ZNF143: variants seen among roughly 807,000 people sequenced by gnomAD.
ZNF143 encodes the protein SPH-binding factor.
Under a neutral mutation model 74.1 loss-of-function variants are expected in ZNF143, and 49 were observed. That is an observed-to-expected ratio of 0.66 (90% confidence interval 0.53 to 0.84). The LOEUF (loss-of-function observed/expected upper bound fraction) is 0.84, where lower values mean the gene tolerates loss of function less well. ZNF143 is among the 40% of genes least tolerant of loss of function. The pLI is 0.00. For synonymous variants in ZNF143, 304 were observed against 282.8 expected (o/e 1.07, Z -0.75); for missense variants, 637 against 793.4 (o/e 0.80, Z 2.37).
rs1372970432 is a variant in ZNF143, at chr11:9,486,427, T to TA, written c.645+6882dup. Among the ~76,000 whole-genome samples, 67 of 48,448 alleles carry TA rather than the reference T, an allele frequency of 1.4e-3. 1 individual carries two copies. The highest frequency in any genetic ancestry group is 2.1e-3 in the Non-Finnish European group (51 of 24,612). The allele number at this position is 48,448 out of a possible 152,430, so 31.8% of individuals were successfully genotyped here. A position where few individuals can be genotyped will look rare whatever the true frequency, so the allele number is the denominator to read the frequency against. ...TTATATATATAATATATATTATATA[T>TA]ATTATATATATAATATATTATATAT... is the stretch of plus-strand genomic sequence containing the variant. On this transcript the variant is annotated intron_variant, in intron 7 of 15. Coordinates refer to ENST00000396602, the MANE Select transcript of ZNF143 (RefSeq NM_003442.6).
chr11:9,490,137 T>C lies in ZNF143; in HGVS notation c.646-4509T>C, dbSNP rs1393447436. Among the ~76,000 whole-genome samples the C allele has an allele frequency of 3.9e-5, 6 of 152,194 alleles. No individual in the cohort carries two copies. In the East Asian group the frequency reaches 9.7e-4, roughly 25 times the overall value. ...AGTTGGAGGGTGCAGTGAGCTGTGA[T>C]TGTGCGACTGTACTATAGCCTGAGT... is the stretch of plus-strand genomic sequence containing the variant. On this transcript the variant is annotated intron_variant, in intron 7 of 15. Transcript: ENST00000396602.
intron 1 of ZNF143, among the ~76,000 whole-genome samples, chr11:9,466,421 T>C (rs771107174): frequency 6.7e-6 from 1 of 149,742 alleles, no homozygotes; most frequent in East Asian, 2.0e-4. Context: ...TCAGCCTCCC[T>C]AGTAGCTGGG....
intron 13 of ZNF143, among the ~76,000 whole-genome samples, chr11:9,513,203 T>G (rs146354789): frequency 6.6e-6 from 1 of 152,220 alleles, no homozygotes; most frequent in Admixed American, 6.5e-5. Flanking sequence ...GGTGGAAATA[T>G]GCACAATGTG....
chr11:9,525,249 G>A lies in ZNF143; in HGVS notation c.1696G>A (p.Val566Ile). Reference sequence around the variant, plus strand: ...TTTTGTTTTGCTTAAGGTTGCAATTGTAGCTCAAGACTTGGCAGCATTCCA... The same window carrying A: ...TTTTGTTTTGCTTAAGGTTGCAATTATAGCTCAAGACTTGGCAGCATTCCA... ...EGTEGEQVAI[V>I]AQDLAAFHTA... Residue 566 changes from valine to isoleucine, a missense_variant, in exon 15 of 16, where the codon GTA (valine) becomes ATA (isoleucine). Physicochemically the swap from Val to Ile is conservative, Grantham distance 29 (BLOSUM62 3). Coordinates refer to ENST00000396602, the MANE Select transcript of ZNF143 (RefSeq NM_003442.6). 1 of 1,614,098 alleles carries A rather than the reference G, an allele frequency of 6.2e-7. No individual in the cohort carries two copies. Among genetic ancestry groups the A allele is most frequent in the Non-Finnish European group, 8.5e-7 (1 of 1,180,008 alleles).
At chr11:9,468,562 CT>C (rs1364202030) in intron 1 of ZNF143, among the ~76,000 whole-genome samples, 3 of 152,256 alleles carry the variant, frequency 2.0e-5, no homozygotes, top group African/African-American at 7.2e-5. Flanking sequence ...TTTGCCCATA[CT>C]TTAACCCTTA....
At chr11:9,476,521 C>T (rs1263932285) in intron 5 of ZNF143, among the ~76,000 whole-genome samples, 5 of 151,160 alleles carry the variant, frequency 3.3e-5, no homozygotes, top group African/African-American at 9.7e-5. Context: ...TACAGGTGCC[C>T]GCCACTACAC....
At chr11:9,472,643 C>T in intron 2 of ZNF143, 34 bp from the exon 3 acceptor site, 2 of 1,561,598 alleles carry the variant, frequency 1.3e-6, no homozygotes, top group South Asian at 2.3e-5. Context: ...CATATGCTAG[C>T]TGTCTAAAGA....
chr11:9,509,390 A>G (rs774468763), intron 12 of ZNF143, among the ~76,000 whole-genome samples: 1 of 152,236 alleles, frequency 6.6e-6, no homozygotes, highest in Non-Finnish European at 1.5e-5. Context: ...TTCAGGTGCT[A>G]TTAAGTATGT....
intron 3 of ZNF143, among the ~76,000 whole-genome samples, chr11:9,473,146 T>C (rs1856684245): frequency 6.6e-6 from 1 of 152,004 alleles, no homozygotes; most frequent in African/African-American, 2.4e-5. Flanking sequence ...ATCCCAACGC[T>C]TTGGAAGGCC....
intron 1 of ZNF143, among the ~76,000 whole-genome samples, chr11:9,466,288 TTTTTC>T (rs1223273143): frequency 4.2e-5 from 6 of 143,794 alleles, no homozygotes; most frequent in East Asian, 4.1e-4. Flanking sequence ...CAGCCTAATT[TTTTTC>T]TTTTCTTTTC....
At position 9,479,727 on chromosome 11, in the gene ZNF143, G is replaced by T. The variant is rs11042382; in HGVS notation, c.645+181G>T. ...CCTGAGGTCCCAGTGTTCATTGGTG[G>T]ATGCAAAATGATGCTAAAGAAATGG... On this transcript the variant is annotated intron_variant, in intron 7 of 15. Transcript: ENST00000396602. 0.13 allele frequency among the ~76,000 whole-genome samples: 19,310 copies of T among 152,114 alleles called. 1,390 individuals are homozygous for T. Among genetic ancestry groups the T allele is most frequent in the African/African-American group, 0.15 (6,163 of 41,496 alleles).
At chr11:9,465,491 T>A (rs1444710685) in intron 1 of ZNF143, among the ~76,000 whole-genome samples, 1 of 150,540 alleles carries the variant, frequency 6.6e-6, no homozygotes, top group Non-Finnish European at 1.5e-5. Flanking sequence ...GCTGGTACTT[T>A]TATTTATTTA....
rs1401688365 is a variant in ZNF143 at position 9,471,400 on chromosome 11, CAG to C, written c.95_96del (p.Glu32GlyfsTer8). The C allele has an allele frequency of 1.2e-6, 2 of 1,606,516 alleles. No individual in the cohort carries two copies. The highest frequency in any genetic ancestry group is 1.7e-5 in the Admixed American group (1 of 58,790). The stretch of plus-strand genomic sequence containing the variant: ...GCGCAACATGTTACGCTGTGCTTGA[CAG>C]AGGCAGTCACCGTGGCAGGTGAGCA... On this transcript the variant is annotated frameshift_variant, in exon 2 of 16. Transcript: ENST00000396602. LOFTEE classifies it high-confidence loss of function.
At chr11:9,492,554 C>T (rs1847822234) in intron 7 of ZNF143, among the ~76,000 whole-genome samples, 2 of 152,162 alleles carry the variant, frequency 1.3e-5, no homozygotes, top group South Asian at 2.1e-4. Context: ...GCACAGCCTA[C>T]ACACTTTAAA....
chr11:9,498,156 T>G (rs7926589), intron 10 of ZNF143, among the ~76,000 whole-genome samples: 74,841 of 152,150 alleles, frequency 0.49, 18,709 homozygotes, highest in Non-Finnish European at 0.52. Context: ...GCAGGGACGG[T>G]ACTTGAGGAA....
intron 1 of ZNF143, among the ~76,000 whole-genome samples, chr11:9,469,215 C>CTTTTTTTT (rs33968880): frequency 4.1e-5 from 4 of 97,464 alleles, no homozygotes; most frequent in Non-Finnish European, 7.8e-5. Context: ...CAGCAGGGGT[C>CTTTTTTTT]TTTTTTTTTT....
intron 15 of ZNF143, 41 bp from the exon 16 acceptor site, chr11:9,527,489 T>G (rs371187941): frequency 3.5e-5 from 56 of 1,588,738 alleles, no homozygotes; most frequent in Non-Finnish European, 4.7e-5. Flanking sequence ...TGACTGTGGC[T>G]TTTGAATTGT....
intron 1 of ZNF143, among the ~76,000 whole-genome samples, chr11:9,465,280 G>A (rs961606319): frequency 3.6e-4 from 55 of 150,742 alleles, no homozygotes; most frequent in African/African-American, 1.1e-3. Context: ...TCCGCCTCCC[G>A]GGTTCAAGTG....
chr11:9,486,445 T>TTCTATATATTATATATATAATATATTA (rs1847547008), intron 7 of ZNF143, among the ~76,000 whole-genome samples: 1 of 35,468 alleles, frequency 2.8e-5, no homozygotes, highest in Non-Finnish European at 6.6e-5. Flanking sequence ...ATATAATATA[T>TTCTATATATTATATATATAATATATTA]TATATATATT....
Sources: allele counts gnomAD v4.1 joint callset (sites outside exome capture counted in the v4.1 genomes callset), GRCh38; gene constraint gnomAD v4.1.1; transcripts MANE v1.5; gene names NCBI Gene and HGNC (gene_info 2026-07-23, HGNC 2026-07-21).